Variants in FMO1 observed in about 807,000 individuals in gnomAD.
The protein encoded by FMO1 is flavin containing dimethylaniline monoxygenase 1.
FMO1 carries 36 observed loss-of-function variants against 45.4 expected under a neutral mutation model. The ratio of observed to expected loss-of-function variants is 0.79; its 90% confidence interval spans 0.61 to 1.05. FMO1 has a LOEUF of 1.05. FMO1 is among the 50% of genes least tolerant of loss of function. The pLI, the probability that FMO1 is intolerant of heterozygous loss-of-function variation, is 0.00. For missense variants in FMO1, 615 were observed against 640.3 expected, an observed-to-expected ratio of 0.96 and a Z score of 0.43; for synonymous variants, 228 against 227.2, an observed-to-expected ratio of 1.00 and a Z score of -0.03.
rs568590176 is a variant in FMO1, at chr1:171,264,665, G to A, written c.133-2878G>A. Among the ~76,000 whole-genome samples the A allele has an allele frequency of 2.6e-5, 4 of 152,122 alleles. No homozygotes were observed. The East Asian group carries it at 7.7e-4, about 29-fold the overall frequency. The stretch of plus-strand genomic sequence containing the variant: ...AGCAATTTGGGAGGCCGAGAAGGGC[G>A]GATCACGAGGTCAGGAGATGGAGAC... On this transcript the variant is annotated intron_variant, in intron 2 of 8. Transcript: ENST00000617670.
chr1:171,257,152 A>G (rs546566800), intron 1 of FMO1, among the ~76,000 whole-genome samples: 4 of 152,338 alleles, frequency 2.6e-5, no homozygotes, highest in African/African-American at 9.6e-5. Flanking sequence ...TGTTTTCTTT[A>G]TATTTGTGAT....
rs558020856 is a variant in FMO1, at chr1:171,265,217, C to G, written c.133-2326C>G. Among the ~76,000 whole-genome samples, 334 of 151,766 alleles carry G rather than the reference C, an allele frequency of 2.2e-3. 7 individuals carry two copies. In the South Asian group the frequency reaches 0.033, roughly 15 times the overall value. On this transcript the variant is annotated intron_variant, in intron 2 of 8. Coordinates refer to ENST00000617670, the MANE Select transcript of FMO1 (RefSeq NM_001282693.2). ...CATCCTGGCTAACACGGTGAAACCC[C>G]GTCTCTACTAAAAATACAAAAAAAT...
chr1:171,281,549 T>C (rs1169746583), intron 6 of FMO1, among the ~76,000 whole-genome samples: 1 of 152,214 alleles, frequency 6.6e-6, no homozygotes, highest in Non-Finnish European at 1.5e-5. Flanking sequence ...AAAAGACAAT[T>C]CTGCCCTTGT....
chr1:171,268,800 G>A (rs143345009), intron 3 of FMO1, among the ~76,000 whole-genome samples: 1 of 152,142 alleles, frequency 6.6e-6, no homozygotes, highest in African/African-American at 2.4e-5. Flanking sequence ...TCACATTCAC[G>A]ACCTTAAAAG....
intron 1 of FMO1, among the ~76,000 whole-genome samples, chr1:171,252,711 G>A (rs764893256): frequency 3.3e-5 from 5 of 152,174 alleles, no homozygotes; most frequent in Non-Finnish European, 7.3e-5. Context: ...AGCCACAGGT[G>A]CACTGTGCTC....
intron 3 of FMO1, chr1:171,271,698 C>T: frequency 1.7e-6 from 1 of 601,210 alleles, no homozygotes; most frequent in Non-Finnish European, 3.0e-6. Context: ...TTCTTATGTT[C>T]TAGCAATGAG....
rs772028445 is a variant in FMO1 at position 171,283,133 on chromosome 1, T to C, written c.1184-11T>C. 48 of 1,465,684 alleles carry C rather than the reference T, an allele frequency of 3.3e-5. No individual in the cohort carries two copies. The highest frequency in any genetic ancestry group is 4.0e-5 in the Non-Finnish European group (42 of 1,057,218). The allele number at this position is 1,465,684 out of a possible 1,614,324, so 90.8% of individuals were successfully genotyped here. ...TAAGTTGCATTTGAGGTTTTTATTT[T>C]AATCCTACAGGTGTAAATAAGTTAC... On this transcript the variant is annotated splice_polypyrimidine_tract_variant and intron_variant, in intron 7 of 8. Coordinates refer to ENST00000617670, the MANE Select transcript of FMO1 (RefSeq NM_001282693.2).
intron 8 of FMO1, among the ~76,000 whole-genome samples, chr1:171,284,134 C>T (rs892619494): frequency 2.0e-5 from 3 of 147,878 alleles, no homozygotes; most frequent in Non-Finnish European, 3.0e-5. Context: ...TCTGTTTCTG[C>T]GTTTGATATA....
intron 8 of FMO1, among the ~76,000 whole-genome samples, chr1:171,285,001 T>C (rs1661559863): frequency 6.6e-6 from 1 of 152,162 alleles, no homozygotes; most frequent in South Asian, 2.1e-4. Flanking sequence ...AAAAGCCATA[T>C]GTATAAAGTA....
chr1:171,285,444 A>G lies in FMO1; in HGVS notation c.1499A>G (p.Lys500Arg). 1.2e-6 allele frequency: 2 copies of G among 1,601,912 alleles called. No individual in the cohort carries two copies. The highest frequency in any genetic ancestry group is 1.1e-5 in the South Asian group (1 of 88,932). The change falls in exon 9 of 9, where the codon AAA (lysine) becomes AGA (arginine). Residue 500 changes from lysine (K) to arginine (R), a missense_variant. Lys to Arg is a conservative substitution (Grantham distance 26). Coordinates refer to ENST00000617670, the MANE Select transcript of FMO1 (RefSeq NM_001282693.2). ...TGGGACCGAACATTCAAGGTCATCA[A>G]AGCTCGAGTTGTACAAGAGTCTCCA... ...TQWDRTFKVI[K>R]ARVVQESPSP...
intron 1 of FMO1, among the ~76,000 whole-genome samples, chr1:171,252,874 T>C (rs886332267): frequency 6.6e-6 from 1 of 152,218 alleles, no homozygotes; most frequent in Non-Finnish European, 1.5e-5. Context: ...GTTTGTTTAT[T>C]TAAATGAATC....
chr1:171,270,942 A>G (rs1441255853), intron 3 of FMO1: 2 of 830,320 alleles, frequency 2.4e-6, no homozygotes, highest in South Asian at 1.5e-5. Flanking sequence ...AAAAACCGCT[A>G]GAACCAACTT....
At chr1:171,276,286 C>T (rs570437184) in intron 4 of FMO1, among the ~76,000 whole-genome samples, 3 of 152,288 alleles carry the variant, frequency 2.0e-5, no homozygotes, top group Admixed American at 6.5e-5. Flanking sequence ...CCAGAGGTCA[C>T]TCAGATCAGG....
intron 1 of FMO1, among the ~76,000 whole-genome samples, chr1:171,255,425 A>G (rs1322547357): frequency 6.6e-6 from 1 of 152,230 alleles, no homozygotes; most frequent in Non-Finnish European, 1.5e-5. Context: ...AGGTCTCCAC[A>G]GCTAGCTCAC....
chr1:171,264,769 G>A (rs557399834), intron 2 of FMO1, among the ~76,000 whole-genome samples: 1 of 152,004 alleles, frequency 6.6e-6, no homozygotes, highest in Admixed American at 6.5e-5. Flanking sequence ...CGTGGTGGCC[G>A]GCGCCTGTAG....
intron 3 of FMO1, among the ~76,000 whole-genome samples, chr1:171,274,196 G>T (rs375692528): frequency 1.1e-4 from 16 of 149,430 alleles, no homozygotes; most frequent in Admixed American, 6.7e-4. Flanking sequence ...ACTCAGCTGT[G>T]ATCTGTAGTT....
intron 2 of FMO1, among the ~76,000 whole-genome samples, chr1:171,259,530 C>T (rs1421983388): frequency 6.6e-6 from 1 of 152,178 alleles, no homozygotes; most frequent in African/African-American, 2.4e-5. Flanking sequence ...CCTCAGAATC[C>T]TTCTTAACAT....
Position 171,283,144 on chromosome 1 carries a change from G to A in FMO1, c.1184G>A (p.Gly395Asp), listed in dbSNP as rs1420005116. 9.2e-6 allele frequency: 14 copies of A among 1,517,832 alleles called. No homozygotes were observed. The highest frequency in any genetic ancestry group is 3.6e-5 in the Admixed American group (2 of 55,860). 94.0% of individuals were successfully genotyped at this position (1,517,832 alleles called of 1,614,324 possible). The change falls in exon 8 of 9, where the codon GGT becomes GAT. Residue 395 changes from glycine (G) to aspartate (D), a missense_variant and splice_region_variant. Physicochemically the swap from Gly to Asp is moderately conservative, Grantham distance 94. Coordinates refer to ENST00000617670, the MANE Select transcript of FMO1 (RefSeq NM_001282693.2). The stretch of plus-strand genomic sequence containing the variant: ...TGAGGTTTTTATTTTAATCCTACAG[G>A]TGTAAATAAGTTACCACCACCAAGT... ...QARWAVRVLK[G>D]VNKLPPPSVM...
At chr1:171,250,452 C>T (rs966808784) in intron 1 of FMO1, among the ~76,000 whole-genome samples, 2 of 152,186 alleles carry the variant, frequency 1.3e-5, no homozygotes, top group Non-Finnish European at 2.9e-5. Context: ...GCTCAGAGTG[C>T]CGCTGCAGTT....
Sources: gnomAD v4.1 joint callset for allele counts (sites outside exome capture counted in the v4.1 genomes callset) on GRCh38, gnomAD v4.1.1 for gene constraint, MANE v1.5 for transcripts, NCBI Gene and HGNC (gene_info 2026-07-23, HGNC 2026-07-21) for gene names.